Variants in ZNF823 observed in about 807,000 individuals in gnomAD.
ZNF823 encodes ZFP 36 for a zinc finger protein.
Under a neutral mutation model 11.4 loss-of-function variants are expected in ZNF823, and 5 were observed. That is an observed-to-expected ratio of 0.44 (90% confidence interval 0.23 to 0.92). The LOEUF (loss-of-function observed/expected upper bound fraction) is 0.92. Among genes scored for constraint, ZNF823 ranks in the 40% least tolerant of loss-of-function variants. The pLI, the probability that ZNF823 is intolerant of heterozygous loss-of-function variation, is 0.24. For missense variants in ZNF823, 582 were observed against 738.5 expected, an observed-to-expected ratio of 0.79 and a Z score of 2.46; for synonymous variants, 234 against 250.5, an observed-to-expected ratio of 0.93 and a Z score of 0.62.
chr19:11,722,908 A>G lies in ZNF823; in HGVS notation c.626T>C (p.Leu209Ser), dbSNP rs748510172. ...CTCTCCAGTGTGTGTTCTTTCGTGC[A>G]AATGAAATAAACTGGGCCAAACAAA... is the stretch of plus-strand genomic sequence containing the variant. The part of the protein sequence containing the change: ...KAFVWPSLFH[L>S]HERTHTGEKP... The change falls in exon 4 of 4, where the codon TTG becomes TCG. Residue 209 changes from leucine to serine, a missense_variant. By Grantham distance (145) the Leu-to-Ser change is moderately radical. Coordinates refer to ENST00000341191, the MANE Select transcript of ZNF823 (RefSeq NM_001080493.4). This position sits in a 1 kb window ranked among gnomAD's most constrained non-coding sequence, Gnocchi z 5.2. The G allele has an allele frequency of 1.9e-6, 3 of 1,614,184 alleles. No homozygotes were observed. In the Admixed American group the frequency reaches 5.0e-5, roughly 27 times the overall value.
At chr19:11,732,169 C>CTTTTTTT (rs1170787951) in intron 1 of ZNF823, among the ~76,000 whole-genome samples, 3,355 of 135,486 alleles carry the variant, frequency 0.025, 174 homozygotes, top group African/African-American at 0.08. Flanking sequence ...AAAGGTTTCC[C>CTTTTTTT]TTTTTTTTTT....
chr19:11,737,543 T>A, intron 1 of ZNF823, among the ~76,000 whole-genome samples: 1 of 148,082 alleles, frequency 6.8e-6, no homozygotes, highest in Admixed American at 6.8e-5. Context: ...ATTACAGGCG[T>A]GAGCCACCGC....
chr19:11,724,855 C>T (rs979521360), intron 2 of ZNF823, among the ~76,000 whole-genome samples: 20 of 152,080 alleles, frequency 1.3e-4, no homozygotes, highest in African/African-American at 4.1e-4. Flanking sequence ...TCACCGCACC[C>T]GGCCAGTTTC....
chr19:11,731,720 T>C (rs556392257), intron 1 of ZNF823, among the ~76,000 whole-genome samples: 4 of 152,148 alleles, frequency 2.6e-5, no homozygotes, highest in African/African-American at 9.6e-5. Flanking sequence ...GTTCAATAAC[T>C]GGCTAAAGGC....
chr19:11,731,840 C>A (rs936918835), intron 1 of ZNF823, among the ~76,000 whole-genome samples: 1 of 151,870 alleles, frequency 6.6e-6, no homozygotes, highest in Non-Finnish European at 1.5e-5. Context: ...AGAAACCCCA[C>A]CTCTACTAAA....
chr19:11,723,681 G>A (rs565590217), intron 3 of ZNF823, among the ~76,000 whole-genome samples: 1 of 152,190 alleles, frequency 6.6e-6, no homozygotes, highest in Non-Finnish European at 1.5e-5. Context: ...AAGTAGCTGG[G>A]ATTACAGGCA....
intron 1 of ZNF823, among the ~76,000 whole-genome samples, chr19:11,734,819 G>C (rs150098673): frequency 6.6e-6 from 1 of 152,136 alleles, no homozygotes; most frequent in Non-Finnish European, 1.5e-5. Flanking sequence ...GATTACAGGC[G>C]TGAGCCATGC....
At chr19:11,728,372 A>G (rs186278397) in intron 1 of ZNF823, among the ~76,000 whole-genome samples, 209 of 152,350 alleles carry the variant, frequency 1.4e-3, no homozygotes, top group African/African-American at 4.3e-3. Flanking sequence ...AAATTAGGGT[A>G]CTGAAAAGCA....
At chr19:11,727,544 A>C (rs1046231880) in intron 1 of ZNF823, among the ~76,000 whole-genome samples, 1 of 152,066 alleles carries the variant, frequency 6.6e-6, no homozygotes, top group Non-Finnish European at 1.5e-5. Context: ...ATAACAACAA[A>C]AAAAGAAACC....
intron 2 of ZNF823, among the ~76,000 whole-genome samples, 159 bp from the exon 3 acceptor site, chr19:11,724,413 A>C (rs1214558835): frequency 6.6e-6 from 1 of 152,104 alleles, no homozygotes; most frequent in Non-Finnish European, 1.5e-5. Context: ...CTCATACATG[A>C]ATGTTCTTCA....
intron 1 of ZNF823, among the ~76,000 whole-genome samples, chr19:11,734,430 T>C (rs1463901554): frequency 1.3e-5 from 2 of 152,128 alleles, no homozygotes; most frequent in African/African-American, 4.8e-5. Context: ...AATGATTAGC[T>C]GAACAATTCT....
rs1175516977 is a variant in ZNF823 at position 11,721,597 on chromosome 19, T to C, written c.*104A>G. On this transcript the variant is annotated 3_prime_UTR_variant, in exon 4 of 4. Transcript: ENST00000341191. ...CTGTATTTAAAAAAATTGAAACTACTTAAGGCTTTATCCCATGTTTACATT... is the reference window on the plus strand; with the variant it reads ...CTGTATTTAAAAAAATTGAAACTACCTAAGGCTTTATCCCATGTTTACATT... 4 of 1,202,562 alleles carry C rather than the reference T, an allele frequency of 3.3e-6. No homozygotes were observed. The highest frequency in any genetic ancestry group is 4.6e-6 in the Non-Finnish European group (4 of 868,460). 74.5% of individuals were successfully genotyped at this position (1,202,562 alleles called of 1,614,324 possible). A position where few individuals can be genotyped will look rare whatever the true frequency, so the allele number is the denominator to read the frequency against.
In ZNF823 at chr19:11,721,976, T is replaced by G; in HGVS notation, c.1558A>C (p.Ile520Leu). ...TCATATGGCTTCTCTCCAGAGTGAA[T>G]CCTTTCATGGACTTTTAAGTTACTG... ...HFSNLKVHER[I>L]HSGEKPYECK... Residue 520 changes from isoleucine to leucine, a missense_variant, in exon 4 of 4, where the codon ATT becomes CTT. Physicochemically the swap from Ile to Leu is conservative, Grantham distance 5. Transcript: ENST00000341191. 1 of 1,614,200 alleles carries G rather than the reference T, an allele frequency of 6.2e-7. No individual in the cohort carries two copies. Among genetic ancestry groups the G allele is most frequent in the Non-Finnish European group, 8.5e-7 (1 of 1,180,038 alleles).
rs1455562883 is a variant in ZNF823, at chr19:11,725,287, T to C, written c.44A>G (p.Gln15Arg). The change falls in exon 2 of 4, where the codon CAA becomes CGA. Residue 15 changes from glutamine to arginine, a missense_variant. Physicochemically the swap from Gln to Arg is conservative, Grantham distance 43. Around this residue, in one of 3 missense-constraint regions of ZNF823, gnomAD observed 429 missense variants for 553.7 expected, o/e 0.77. Coordinates refer to ENST00000341191, the MANE Select transcript of ZNF823 (RefSeq NM_001080493.4). Reference sequence around the variant, plus strand: ...TGGACCCAGCAAAGCCCACTCCTCTTGTGTGAAGTTCACAGCCACATCTTC... The same window carrying C: ...TGGACCCAGCAAAGCCCACTCCTCTCGTGTGAAGTTCACAGCCACATCTTC... Reference protein sequence around the residue: ...AFEDVAVNFTQEEWALLGPSQ... With the variant: ...AFEDVAVNFTREEWALLGPSQ... 1.9e-6 allele frequency: 3 copies of C among 1,614,094 alleles called. No individual in the cohort carries two copies. The South Asian group carries it at 3.3e-5, about 18-fold the overall frequency.
At chr19:11,725,162 T>A in intron 2 of ZNF823, 39 bp downstream of exon 2, 4 of 1,600,418 alleles carry the variant, frequency 2.5e-6, no homozygotes, top group Non-Finnish European at 3.4e-6. Context: ...GAAACAAATG[T>A]CTCTAATTGA....
At position 11,723,264 on chromosome 19, in the gene ZNF823, C is replaced by T; in HGVS notation, c.270G>A (p.Lys90=). The change falls in exon 4 of 4, where the codon AAG becomes AAA. Residue 90 remains lysine, a synonymous_variant. Transcript: ENST00000341191. The stretch of plus-strand genomic sequence containing the variant: ...CACATGGATTTACTCGAGGAGTGTT[C>T]TTGTTCACAATACTATCTGGAATCT... The part of the protein sequence containing the change: ...FGQIPDSIVN[K]NTPRVNPCDS... 5.0e-6 allele frequency: 8 copies of T among 1,614,014 alleles called. No individual in the cohort carries two copies. Among genetic ancestry groups the T allele is most frequent in the South Asian group, 1.1e-5 (1 of 91,084 alleles).
chr19:11,734,134 C>G (rs1974951220), intron 1 of ZNF823, among the ~76,000 whole-genome samples: 1 of 151,224 alleles, frequency 6.6e-6, no homozygotes, highest in Non-Finnish European at 1.5e-5. Context: ...ACTGGGGAGG[C>G]TGAGGTGGGA....
intron 1 of ZNF823, among the ~76,000 whole-genome samples, 183 bp downstream of exon 1, chr19:11,738,634 C>G (rs186913152): frequency 2.6e-5 from 4 of 152,356 alleles, no homozygotes; most frequent in Non-Finnish European, 5.9e-5. Context: ...CGCCCGGGGT[C>G]CCGGCTGCCG....
intron 1 of ZNF823, chr19:11,730,343 G>A (rs1374482831): frequency 1.3e-5 from 2 of 152,232 alleles, no homozygotes; most frequent in South Asian, 2.1e-4. Context: ...AATACTCTGG[G>A]AGGTTGGAGT....
Sources: gnomAD v4.1 joint callset for allele counts (sites outside exome capture counted in the v4.1 genomes callset) on GRCh38, gnomAD v4.1.1 for gene constraint, gnomAD v4.1.1 regional missense constraint, Gnocchi (gnomAD v3.1) non-coding constraint, MANE v1.5 for transcripts, NCBI Gene and HGNC (gene_info 2026-07-23, HGNC 2026-07-21) for gene names.